FBXO45: variants seen among roughly 807,000 people sequenced by gnomAD.
FBXO45 encodes F-box/SPRY domain-containing protein 1.
Under a neutral mutation model 25.5 loss-of-function variants are expected in FBXO45, and 3 were observed. The observed-to-expected ratio is 0.12, with a 90% confidence interval of 0.05 to 0.30. The LOEUF (loss-of-function observed/expected upper bound fraction) is 0.30. FBXO45 is among the 10% of genes least tolerant of loss of function. FBXO45 has a pLI of 1.00. For synonymous variants in FBXO45, 155 were observed against 149.8 expected (o/e 1.03, Z -0.25); for missense variants, 219 against 365.0 (o/e 0.60, Z 3.26).
At chr3:196,574,250 T>C (rs758111997) in intron 1 of FBXO45, among the ~76,000 whole-genome samples, 3 of 152,136 alleles carry the variant, frequency 2.0e-5, no homozygotes, top group Non-Finnish European at 4.4e-5. Context: ...CCATTTCATA[T>C]GAAGTTTCCA....
At chr3:196,572,348 C>T (rs1033072240) in intron 1 of FBXO45, among the ~76,000 whole-genome samples, 3 of 152,104 alleles carry the variant, frequency 2.0e-5, no homozygotes, top group African/African-American at 7.2e-5. Flanking sequence ...GATGTAAAAC[C>T]GCATCTGGTA....
intron 2 of FBXO45, among the ~76,000 whole-genome samples, chr3:196,578,059 T>TTTTTTTTTA (rs1318938537): frequency 1.3e-5 from 2 of 148,834 alleles, no homozygotes; most frequent in Non-Finnish European, 3.0e-5. Flanking sequence ...TTTTTTTTTT[T>TTTTTTTTTA]AGACAGAATC....
intron 1 of FBXO45, among the ~76,000 whole-genome samples, chr3:196,575,622 C>T: frequency 6.6e-6 from 1 of 151,098 alleles, no homozygotes; most frequent in South Asian, 2.1e-4. Flanking sequence ...ACAGTATTTG[C>T]TATTTTGGGG....
intron 1 of FBXO45, among the ~76,000 whole-genome samples, chr3:196,571,708 A>G (rs575552132): frequency 2.6e-5 from 4 of 152,292 alleles, no homozygotes; most frequent in African/African-American, 9.6e-5. Context: ...GTTCCTCTCC[A>G]TGTATGCAAC....
At chr3:196,577,892 G>T in intron 2 of FBXO45, 83 bp downstream of exon 2, 2 of 797,126 alleles carry the variant, frequency 2.5e-6, no homozygotes, top group South Asian at 4.5e-5. Flanking sequence ...TTTTTATATA[G>T]CAGTTTTTGT....
chr3:196,572,487 G>A (rs973127739), intron 1 of FBXO45, among the ~76,000 whole-genome samples: 10 of 152,192 alleles, frequency 6.6e-5, no homozygotes, highest in Admixed American at 1.3e-4. Context: ...TAGGCAAAGG[G>A]GAGAGAGAAC....
intron 1 of FBXO45, among the ~76,000 whole-genome samples, chr3:196,570,705 CTTTTTTCT>C (rs1735807027): frequency 7.3e-6 from 1 of 136,320 alleles, no homozygotes; most frequent in Admixed American, 8.0e-5. Flanking sequence ...TTTCTCTTTT[CTTTTTTCT>C]TTTTTTTTTT....
chr3:196,581,223 C>CT (rs33962634), intron 2 of FBXO45, among the ~76,000 whole-genome samples: 9,402 of 62,976 alleles, frequency 0.15, 3,276 homozygotes, highest in East Asian at 0.55. Context: ...TTTCTTTTTC[C>CT]TTTTTTTTTT....
At chr3:196,571,895 G>C (rs2108725901) in intron 1 of FBXO45, among the ~76,000 whole-genome samples, 1 of 152,300 alleles carries the variant, frequency 6.6e-6, no homozygotes, top group East Asian at 1.9e-4. Context: ...AATTCAAAAG[G>C]AGTCAAATAG....
Position 196,584,415 on chromosome 3 carries a change from C to A in FBXO45, c.*97C>A. On this transcript the variant is annotated 3_prime_UTR_variant, in exon 3 of 3. Coordinates refer to ENST00000311630, the MANE Select transcript of FBXO45 (RefSeq NM_001105573.2). This position sits in a 1 kb window ranked among gnomAD's most constrained non-coding sequence, Gnocchi z 4.3. ...CTGTCACACATGCATGTCCAAGAAA[C>A]ATCCTGAAAACACATGAAGTCGTAA... 1 of 1,102,122 alleles carries A rather than the reference C, an allele frequency of 9.1e-7. No individual in the cohort carries two copies. The highest frequency in any genetic ancestry group is 1.8e-5 in the South Asian group (1 of 56,092). The allele number at this position is 1,102,122 out of a possible 1,614,324, so 68.3% of individuals were successfully genotyped here. A position where few individuals can be genotyped will look rare whatever the true frequency, so the allele number is the denominator to read the frequency against.
intron 2 of FBXO45, among the ~76,000 whole-genome samples, chr3:196,578,749 AC>A (rs1197654204): frequency 6.6e-6 from 1 of 151,972 alleles, no homozygotes; most frequent in Non-Finnish European, 1.5e-5. Flanking sequence ...TTTGATTGTG[AC>A]CCAATGCAAA....
intron 1 of FBXO45, among the ~76,000 whole-genome samples, chr3:196,575,524 A>G (rs1478014637): frequency 6.6e-6 from 1 of 151,880 alleles, no homozygotes; most frequent in Non-Finnish European, 1.5e-5. Context: ...TGAAATTGGA[A>G]TTTATAAGAA....
intron 1 of FBXO45, among the ~76,000 whole-genome samples, chr3:196,571,845 A>G (rs1310791251): frequency 6.6e-6 from 1 of 152,238 alleles, no homozygotes; most frequent in Non-Finnish European, 1.5e-5. Context: ...TCATTCACAC[A>G]TTGTAGGACT....
intron 1 of FBXO45, among the ~76,000 whole-genome samples, chr3:196,574,020 C>T (rs577416208): frequency 1.3e-5 from 2 of 150,306 alleles, no homozygotes; most frequent in East Asian, 3.9e-4. Flanking sequence ...TCACTGCAAC[C>T]TCTGCTTCCT....
At position 196,584,559 on chromosome 3, in the gene FBXO45, G is replaced by A. The variant is rs1736069709; in HGVS notation, c.*241G>A. 5.1e-6 allele frequency: 2 copies of A among 390,714 alleles called. No homozygotes were observed. Among genetic ancestry groups the A allele is most frequent in the African/African-American group, 2.1e-5 (1 of 47,796 alleles). The allele number at this position is 390,714 out of a possible 1,614,324, so 24.2% of individuals were successfully genotyped here. A position where few individuals can be genotyped will look rare whatever the true frequency, so the allele number is the denominator to read the frequency against. ...CAGTTGACATATGCATGTTGCACCC[G>A]ATGTTGTCTCTAAGTTAGCAATGTG... On this transcript the variant is annotated 3_prime_UTR_variant, in exon 3 of 3. Coordinates refer to ENST00000311630, the MANE Select transcript of FBXO45 (RefSeq NM_001105573.2). The surrounding 1 kb of genome is among the most constrained non-coding windows in gnomAD (Gnocchi z 4.3).
Position 196,569,418 on chromosome 3 carries a change from C to A in FBXO45, c.318+116C>A, listed in dbSNP as rs924462366. The stretch of plus-strand genomic sequence containing the variant: ...TTCGCCTCACCAGCCCGCCTTTCCA[C>A]GGCTCCAGTCAGTATCTTCCTCACC... On this transcript the variant is annotated intron_variant, in intron 1 of 2. Coordinates refer to ENST00000311630, the MANE Select transcript of FBXO45 (RefSeq NM_001105573.2). This position sits in a 1 kb window ranked among gnomAD's most constrained non-coding sequence, Gnocchi z 4.1. The A allele has an allele frequency of 3.6e-5, 36 of 1,001,506 alleles. No homozygotes were observed. In the East Asian group the frequency reaches 7.7e-4, roughly 21 times the overall value. 62.0% of individuals were successfully genotyped at this position (1,001,506 alleles called of 1,614,324 possible). A position where few individuals can be genotyped will look rare whatever the true frequency, so the allele number is the denominator to read the frequency against.
chr3:196,572,629 G>A (rs1240456092), intron 1 of FBXO45, among the ~76,000 whole-genome samples: 4 of 152,172 alleles, frequency 2.6e-5, no homozygotes, highest in African/African-American at 9.7e-5. Flanking sequence ...GCGTAGGGAA[G>A]CCATTTTGAG....
intron 1 of FBXO45, among the ~76,000 whole-genome samples, chr3:196,571,620 G>A (rs910600492): frequency 2.6e-5 from 4 of 152,192 alleles, no homozygotes; most frequent in Non-Finnish European, 5.9e-5. Flanking sequence ...TAATGTGTTC[G>A]TGTGAGTCAA....
Position 196,581,238 on chromosome 3 carries a change from T to TTTTTC in FBXO45, c.676-2891_676-2890insCTTTT, listed in dbSNP as rs1736007506. On this transcript the variant is annotated intron_variant, in intron 2 of 2. Coordinates refer to ENST00000311630, the MANE Select transcript of FBXO45 (RefSeq NM_001105573.2). The stretch of plus-strand genomic sequence containing the variant: ...TTTCTTTTTCCTTTTTTTTTTTTTT[T>TTTTTC]TTTTTTTTTTTTTGAGACAGTCTCA... Among the ~76,000 whole-genome samples, 3 of 125,174 alleles carry TTTTTC rather than the reference T, an allele frequency of 2.4e-5. No individual in the cohort carries two copies. The South Asian group carries it at 8.5e-4, about 35-fold the overall frequency. The allele number at this position is 125,174 out of a possible 152,430, so 82.1% of individuals were successfully genotyped here.
Sources: allele counts gnomAD v4.1 joint callset (sites outside exome capture counted in the v4.1 genomes callset), GRCh38; gene constraint gnomAD v4.1.1; non-coding constraint Gnocchi (gnomAD v3.1); transcripts MANE v1.5; gene names NCBI Gene and HGNC (gene_info 2026-07-23, HGNC 2026-07-21).